Variants in YWHAB observed in about 807,000 individuals in gnomAD.
YWHAB encodes the protein tyrosine 3-monooxygenase/tryptophan 5-monooxygenase activation protein beta.
A neutral mutation model predicts 28.5 loss-of-function variants in YWHAB; 2 were observed. That is an observed-to-expected ratio of 0.07 (90% CI 0.03 to 0.22). The LOEUF is 0.22. Among genes scored for constraint, YWHAB ranks in the 10% least tolerant of loss-of-function variants. The probability of loss-of-function intolerance (pLI) is 1.00; values close to 1 mark genes in which losing one functional copy is unlikely to be tolerated. For missense variants in YWHAB, 148 were observed against 297.1 expected, an observed-to-expected ratio of 0.50 and a Z score of 3.69; for synonymous variants, 103 against 104.7, an observed-to-expected ratio of 0.98 and a Z score of 0.10.
Position 44,904,984 on chromosome 20 carries a change from C to A in YWHAB, c.441C>A (p.Ser147=). The change falls in exon 4 of 6, where the codon TCC becomes TCA. Residue 147 remains serine (S), a synonymous_variant. Coordinates refer to ENST00000353703, the MANE Select transcript of YWHAB (RefSeq NM_139323.4). ...ATGTTACAGCCACTGTGTCGAACTC[C>A]CAGCAGGCTTACCAGGAAGCATTTG... ...GDNKQTTVSN[S]QQAYQEAFEI... is the part of the protein sequence containing the mutation. 6.2e-7 allele frequency: 1 copy of A among 1,605,170 alleles called. No homozygotes were observed. The highest frequency in any genetic ancestry group is 8.5e-7 in the Non-Finnish European group (1 of 1,174,186).
intron 1 of YWHAB, among the ~76,000 whole-genome samples, chr20:44,895,975 A>T (rs370569768): frequency 6.6e-6 from 1 of 152,236 alleles, no homozygotes; most frequent in African/African-American, 2.4e-5. Context: ...CCAATTATGT[A>T]CAGGATGCTG....
chr20:44,891,265 G>A (rs1288728250), intron 1 of YWHAB, among the ~76,000 whole-genome samples: 5 of 151,904 alleles, frequency 3.3e-5, no homozygotes, highest in Non-Finnish European at 5.9e-5. Flanking sequence ...CACTATACCC[G>A]GCTAATTTTT....
In YWHAB at chr20:44,906,009, TG is replaced by T. The variant is rs2066653795; in HGVS notation, c.598del (p.Glu200LysfsTer9). 1 of 1,612,716 alleles carries T rather than the reference TG, an allele frequency of 6.2e-7. No homozygotes were observed. Reference protein sequence around the residue: ...ACSLAKTAFDEAIAELDTLNE... With the variant: ...ACSLAKTAFDXAIAELDTLNE... ...AAGGCTCTTTGTTTTAGGCATTTGA[TG>T]AAGCAATTGCTGAATTGGATACGCT... On this transcript the variant is annotated frameshift_variant, in exon 5 of 6. Transcript: ENST00000353703. LOFTEE classifies it high-confidence loss of function.
chr20:44,891,499 C>G (rs1349682546), intron 1 of YWHAB, among the ~76,000 whole-genome samples: 5 of 152,162 alleles, frequency 3.3e-5, no homozygotes, highest in Non-Finnish European at 7.3e-5. Flanking sequence ...GACTGATAGG[C>G]TTCATTATGT....
chr20:44,898,379 G>A (rs1261718823), intron 1 of YWHAB, among the ~76,000 whole-genome samples: 1 of 152,094 alleles, frequency 6.6e-6, no homozygotes, highest in East Asian at 1.9e-4. Flanking sequence ...GATTTTGAGT[G>A]TATCTTATTG....
intron 1 of YWHAB, among the ~76,000 whole-genome samples, chr20:44,901,218 TGC>T (rs1310932938): frequency 6.6e-6 from 1 of 152,222 alleles, no homozygotes; most frequent in Non-Finnish European, 1.5e-5. Context: ...ATTTGCATGT[TGC>T]TCTGGGCATA....
intron 1 of YWHAB, among the ~76,000 whole-genome samples, chr20:44,893,018 A>G (rs1246466123): frequency 6.6e-6 from 1 of 152,206 alleles, no homozygotes; most frequent in Non-Finnish European, 1.5e-5. Flanking sequence ...GTGCTTCTAA[A>G]GGCCACAGCT....
At chr20:44,899,889 C>T (rs551468069) in intron 1 of YWHAB, among the ~76,000 whole-genome samples, 1 of 152,306 alleles carries the variant, frequency 6.6e-6, no homozygotes, top group African/African-American at 2.4e-5. Flanking sequence ...AGTTATGTTG[C>T]TGTACATCTT....
intron 3 of YWHAB, among the ~76,000 whole-genome samples, chr20:44,904,645 T>G (rs3761188): frequency 0.33 from 49,764 of 151,988 alleles, 9,116 homozygotes; most frequent in African/African-American, 0.49. Context: ...GAATTAAAGT[T>G]TGGATCTATC....
intron 1 of YWHAB, among the ~76,000 whole-genome samples, chr20:44,895,797 G>A (rs1164131247): frequency 6.6e-6 from 1 of 152,142 alleles, no homozygotes; most frequent in East Asian, 1.9e-4. Flanking sequence ...GAATTTCAGA[G>A]GGCACAGAAA....
At chr20:44,897,074 AG>A (rs1318158456) in intron 1 of YWHAB, among the ~76,000 whole-genome samples, 2 of 152,330 alleles carry the variant, frequency 1.3e-5, no homozygotes, top group East Asian at 3.9e-4. Context: ...CCAAACAGAA[AG>A]GGTGCATTTT....
chr20:44,898,521 T>G (rs963660063), intron 1 of YWHAB, among the ~76,000 whole-genome samples: 1 of 152,030 alleles, frequency 6.6e-6, no homozygotes, highest in Non-Finnish European at 1.5e-5. Flanking sequence ...TTTTCCTTTT[T>G]TTTTTGAGAT....
At chr20:44,900,931 A>G (rs138020577) in intron 1 of YWHAB, among the ~76,000 whole-genome samples, 2 of 152,234 alleles carry the variant, frequency 1.3e-5, no homozygotes, top group African/African-American at 4.8e-5. Flanking sequence ...GCCTGCCACC[A>G]CGCCTGGCTA....
rs969581140 is a variant in YWHAB, at chr20:44,908,147, AAAAC to A, written c.*1714_*1717del. The A allele has an allele frequency of 2.2e-5, 3 of 135,922 alleles. No individual in the cohort carries two copies. Among genetic ancestry groups the A allele is most frequent in the Admixed American group, 1.5e-4 (2 of 13,760 alleles). 8.4% of individuals were successfully genotyped at this position (135,922 alleles called of 1,614,324 possible). The stretch of plus-strand genomic sequence containing the variant: ...AAAAGAAAAATTTATGCACTGATTT[AAAAC>A]AAACCAAAAAAAAAGAAAAAAACAA... On this transcript the variant is annotated 3_prime_UTR_variant, in exon 6 of 6. Coordinates refer to ENST00000353703, the MANE Select transcript of YWHAB (RefSeq NM_139323.4).
chr20:44,890,638 G>C (rs1367892223), intron 1 of YWHAB, among the ~76,000 whole-genome samples: 2 of 151,410 alleles, frequency 1.3e-5, no homozygotes, highest in Non-Finnish European at 2.9e-5. Context: ...AGCCTCCTGA[G>C]TAGCTGGGAT....
intron 1 of YWHAB, among the ~76,000 whole-genome samples, chr20:44,897,755 T>G (rs1205364360): frequency 6.6e-6 from 1 of 152,222 alleles, no homozygotes; most frequent in Non-Finnish European, 1.5e-5. Flanking sequence ...TATATATACT[T>G]TTAAGATGGT....
intron 1 of YWHAB, among the ~76,000 whole-genome samples, chr20:44,898,439 C>T (rs2066608046): frequency 6.6e-6 from 1 of 151,706 alleles, no homozygotes; most frequent in African/African-American, 2.4e-5. Context: ...TAGAATTTCT[C>T]TCTTGAAAAT....
intron 1 of YWHAB, among the ~76,000 whole-genome samples, chr20:44,891,195 T>TGCAGCCTCTGCCTTCAGGCTGCC (rs2066559670): frequency 6.6e-6 from 1 of 152,068 alleles, no homozygotes; most frequent in Non-Finnish European, 1.5e-5. Flanking sequence ...CTCAGCTCAC[T>TGCAGCCTCTGCCTTCAGGCTGCC]GCAGCCTCTG....
Position 44,907,748 on chromosome 20 carries a change from GC to G in YWHAB, c.*1312del, listed in dbSNP as rs1199229081. 1 of 152,190 alleles carries G rather than the reference GC, an allele frequency of 6.6e-6. No homozygotes were observed. Among genetic ancestry groups the G allele is most frequent in the Non-Finnish European group, 1.5e-5 (1 of 68,046 alleles). The allele number at this position is 152,190 out of a possible 1,614,324, so 9.4% of individuals were successfully genotyped here. A position where few individuals can be genotyped will look rare whatever the true frequency, so the allele number is the denominator to read the frequency against. The stretch of plus-strand genomic sequence containing the variant: ...CATTACTGAGCACCTTGGTGAGCAA[GC>G]CTGGCTTTAAAGATTGGAGAAGAGC... On this transcript the variant is annotated 3_prime_UTR_variant, in exon 6 of 6. Transcript: ENST00000353703.
Sources: allele counts gnomAD v4.1 joint callset (sites outside exome capture counted in the v4.1 genomes callset), GRCh38; gene constraint gnomAD v4.1.1; transcripts MANE v1.5; gene names NCBI Gene and HGNC (gene_info 2026-07-23, HGNC 2026-07-21).